Variants in STX7 observed in about 807,000 individuals in gnomAD.
STX7 encodes syntaxin 7, also known as syntaxin-7.
Under a neutral mutation model 39.6 loss-of-function variants are expected in STX7, and 34 were observed. That is an observed-to-expected ratio of 0.86 (90% CI 0.65 to 1.14). The LOEUF (loss-of-function observed/expected upper bound fraction) is 1.14. Ranked by LOEUF, STX7 falls within the 50% of genes most tolerant of loss-of-function variation. The pLI is 0.00. For missense variants in STX7, 284 were observed against 310.4 expected, an observed-to-expected ratio of 0.92 and a Z score of 0.64; for synonymous variants, 119 against 99.1, an observed-to-expected ratio of 1.20 and a Z score of -1.19.
chr6:132,508,493 T>C (rs6924741), intron 1 of STX7, among the ~76,000 whole-genome samples: 23,064 of 152,106 alleles, frequency 0.15, 3,042 homozygotes, highest in African/African-American at 0.36. Flanking sequence ...TGACTGGAAT[T>C]ATGAGTTTTG....
At chr6:132,505,239 C>T (rs1191776113) in intron 1 of STX7, among the ~76,000 whole-genome samples, 1 of 152,334 alleles carries the variant, frequency 6.6e-6, no homozygotes, top group East Asian at 1.9e-4. Context: ...GATGCCAAGG[C>T]TATCCATGCT....
intron 2 of STX7, among the ~76,000 whole-genome samples, chr6:132,480,065 G>T (rs1774978896): frequency 6.6e-6 from 1 of 151,990 alleles, no homozygotes; most frequent in Admixed American, 6.6e-5. Flanking sequence ...TGTGCCCCCT[G>T]TGGCCCGTCC....
intron 2 of STX7, among the ~76,000 whole-genome samples, chr6:132,480,818 G>A (rs1226393082): frequency 6.6e-6 from 1 of 152,210 alleles, no homozygotes; most frequent in East Asian, 1.9e-4. Flanking sequence ...ACTGCAGCCT[G>A]TGATCAGTTG....
rs200801252 is a variant in STX7, at chr6:132,475,125, ATTTTT to A, written c.155+463_155+467del. ...TTTGATAGGGTAAGCCTATCAAGGA[ATTTTT>A]TTTTTTTTTTTAAGACAGAGTCTTG... On this transcript the variant is annotated intron_variant, in intron 3 of 9. Coordinates refer to ENST00000367941, the MANE Select transcript of STX7 (RefSeq NM_003569.3). Among the ~76,000 whole-genome samples, 4 of 144,488 alleles carry A rather than the reference ATTTTT, an allele frequency of 2.8e-5. No individual in the cohort carries two copies. In the South Asian group the frequency reaches 8.9e-4, roughly 32 times the overall value. 94.8% of individuals were successfully genotyped at this position (144,488 alleles called of 152,430 possible). A position where few individuals can be genotyped will look rare whatever the true frequency, so the allele number is the denominator to read the frequency against.
chr6:132,447,122 CTAA>C lies in STX7; in HGVS notation c.*13633_*13635del, dbSNP rs533851196. 4.6e-5 allele frequency: 7 copies of C among 152,142 alleles called. No homozygotes were observed. Among genetic ancestry groups the C allele is most frequent in the East Asian group, 1.9e-4 (1 of 5,194 alleles). 9.4% of individuals were successfully genotyped at this position (152,142 alleles called of 1,614,324 possible). On this transcript the variant is annotated 3_prime_UTR_variant, in exon 10 of 10. Coordinates refer to ENST00000367941, the MANE Select transcript of STX7 (RefSeq NM_003569.3). Reference sequence around the variant, plus strand: ...CTAAGATACATTGGTTAAAAAGATACTAATAAGTTTTTGTGCGTGTAACATTTG... The same window carrying C: ...CTAAGATACATTGGTTAAAAAGATACTAAGTTTTTGTGCGTGTAACATTTG...
At chr6:132,461,210 G>A (rs1457246613) in intron 9 of STX7, among the ~76,000 whole-genome samples, 1 of 152,114 alleles carries the variant, frequency 6.6e-6, no homozygotes, top group East Asian at 1.9e-4. Flanking sequence ...CAGCTTACGA[G>A]CTTAAACATT....
At chr6:132,501,509 T>A (rs4895941) in intron 2 of STX7, among the ~76,000 whole-genome samples, 11,752 of 152,228 alleles carry the variant, frequency 0.077, 563 homozygotes, top group East Asian at 0.15. Flanking sequence ...CTTCTCATCC[T>A]CTGGATCAAC....
intron 1 of STX7, among the ~76,000 whole-genome samples, chr6:132,509,715 G>A (rs1272098900): frequency 6.6e-6 from 1 of 152,002 alleles, no homozygotes; most frequent in Non-Finnish European, 1.5e-5. Flanking sequence ...ACAACAGTTG[G>A]CTCTTTTGAT....
rs1292116136 is a variant in STX7, at chr6:132,457,303, T to C, written c.*3455A>G. 6.6e-6 allele frequency: 1 copy of C among 152,270 alleles called. No homozygotes were observed. 9.4% of individuals were successfully genotyped at this position (152,270 alleles called of 1,614,324 possible). ...TATCTTGTGACCTCAGTGAATGAGATGCTGCTTTATCCAATCTACTGACTT... is the reference window on the plus strand; with the variant it reads ...TATCTTGTGACCTCAGTGAATGAGACGCTGCTTTATCCAATCTACTGACTT... On this transcript the variant is annotated 3_prime_UTR_variant, in exon 10 of 10. Transcript: ENST00000367941.
intron 7 of STX7, among the ~76,000 whole-genome samples, chr6:132,469,081 CAT>C (rs1774639452): frequency 6.6e-6 from 1 of 152,128 alleles, no homozygotes; most frequent in Non-Finnish European, 1.5e-5. Context: ...AGATAATTAA[CAT>C]AAAGAATTCA....
chr6:132,496,133 C>A (rs1319688406), intron 2 of STX7, among the ~76,000 whole-genome samples: 1 of 152,158 alleles, frequency 6.6e-6, no homozygotes, highest in East Asian at 1.9e-4. Flanking sequence ...CCATGTGATA[C>A]ATGATGCATA....
rs12196104 is a variant in STX7 at position 132,450,874 on chromosome 6, C to T, written c.*9884G>A. On this transcript the variant is annotated 3_prime_UTR_variant, in exon 10 of 10. Transcript: ENST00000367941. The stretch of plus-strand genomic sequence containing the variant: ...CTGAAAAAGTTCTTGAAAAAAATGA[C>T]AGCTGAAAACTCCCCAAAATTGGCA... 50,236 of 151,438 alleles carry T rather than the reference C, an allele frequency of 0.33. 8,889 individuals are homozygous for T. Among genetic ancestry groups the T allele is most frequent in the East Asian group, 0.7 (3,586 of 5,118 alleles). The allele number at this position is 151,438 out of a possible 1,614,324, so 9.4% of individuals were successfully genotyped here.
At chr6:132,504,681 C>A (rs764435483) in intron 1 of STX7, among the ~76,000 whole-genome samples, 9 of 152,126 alleles carry the variant, frequency 5.9e-5, no homozygotes, top group Admixed American at 3.9e-4. Context: ...CTGCTCAAAT[C>A]AAGTTTGTCA....
chr6:132,470,667 A>T, intron 5 of STX7, 41 bp from the exon 6 acceptor site: 1 of 1,467,708 alleles, frequency 6.8e-7, no homozygotes, highest in Admixed American at 1.8e-5. Flanking sequence ...AAGGGGCAAA[A>T]AAAGCAAAAA....
chr6:132,472,308 A>G lies in STX7; in HGVS notation c.223T>C (p.Ser75Pro). 1 of 1,613,496 alleles carries G rather than the reference A, an allele frequency of 6.2e-7. No individual in the cohort carries two copies. The change falls in exon 4 of 10, where the codon TCT becomes CCT. Residue 75 changes from serine (S) to proline (P), a missense_variant. Coordinates refer to ENST00000367941, the MANE Select transcript of STX7 (RefSeq NM_003569.3). ...ETDKYIKEFGSLPTTPSEQRQ... is the reference protein window; with the variant it reads ...ETDKYIKEFGPLPTTPSEQRQ... The stretch of plus-strand genomic sequence containing the variant: ...TGTTCACTGGGGGTGGTGGGCAGAG[A>G]TCCAAACTCTTTAATGTACTTATCT...
chr6:132,498,095 C>T (rs1242188841), intron 2 of STX7, among the ~76,000 whole-genome samples: 1 of 152,182 alleles, frequency 6.6e-6, no homozygotes, highest in Non-Finnish European at 1.5e-5. Context: ...ATGGGTGGCA[C>T]AAGGGCCTTG....
chr6:132,507,644 C>A (rs1449735502), intron 1 of STX7, among the ~76,000 whole-genome samples: 1 of 149,902 alleles, frequency 6.7e-6, no homozygotes, highest in Non-Finnish European at 1.5e-5. Flanking sequence ...GTCCTTCATT[C>A]CTTCATTATT....
intron 2 of STX7, among the ~76,000 whole-genome samples, chr6:132,484,240 C>T (rs1775076528): frequency 1.3e-5 from 2 of 152,176 alleles, no homozygotes; most frequent in African/African-American, 4.8e-5. Flanking sequence ...CCATTTCCTA[C>T]ACATCCGAAA....
chr6:132,486,707 C>T (rs1397236553), intron 2 of STX7, among the ~76,000 whole-genome samples: 8 of 137,500 alleles, frequency 5.8e-5, no homozygotes, highest in Non-Finnish European at 9.1e-5. Context: ...CTCTGTCATG[C>T]CCAGCCTGGA....
Sources: allele counts gnomAD v4.1 joint callset (sites outside exome capture counted in the v4.1 genomes callset), GRCh38; gene constraint gnomAD v4.1.1; transcripts MANE v1.5; gene names NCBI Gene and HGNC (gene_info 2026-07-23, HGNC 2026-07-21).